The following CNTN6 variants were observed in gnomAD, a reference collection of about 807,000 sequenced individuals.
CNTN6 encodes the protein contactin-6.
A neutral mutation model predicts 122.8 loss-of-function variants in CNTN6; 137 were observed. The observed-to-expected ratio is 1.12, with a 90% confidence interval of 0.97 to 1.29. The LOEUF (loss-of-function observed/expected upper bound fraction) is 1.29. CNTN6 is among the 50% of genes most tolerant of loss of function. The pLI, the probability that CNTN6 is intolerant of heterozygous loss-of-function variation, is 0.00. For synonymous variants in CNTN6, 570 were observed against 426.0 expected (o/e 1.34, Z -4.16); for missense variants, 1,634 against 1,223.4 (o/e 1.34, Z -5.01).
chr3:1,230,447 A>G (rs1043278729), intron 4 of CNTN6, among the ~76,000 whole-genome samples: 3 of 152,290 alleles, frequency 2.0e-5, no homozygotes, highest in East Asian at 1.9e-4. Context: ...ATTATTACCT[A>G]TCTCAACTTA....
rs1312899797 is a variant in CNTN6 at position 1,147,999 on chromosome 3, G to C, written c.-10G>C. The C allele has an allele frequency of 1.2e-6, 2 of 1,604,242 alleles. No individual in the cohort carries two copies. The highest frequency in any genetic ancestry group is 1.7e-6 in the Non-Finnish European group (2 of 1,172,738). On this transcript the variant is annotated 5_prime_UTR_variant, in exon 2 of 23. Coordinates refer to ENST00000446702, the MANE Select transcript of CNTN6 (RefSeq NM_001289080.2). ...TGTATGGGAGAAATTTTTGACCTTA[G>C]AAAGTGGAAATGAGGTTGCTATGGA...
intron 4 of CNTN6, among the ~76,000 whole-genome samples, chr3:1,268,606 CAA>C (rs71690299): frequency 0.33 from 32,071 of 98,182 alleles, 4,190 homozygotes; most frequent in East Asian, 0.53. Context: ...GACTCCGTCT[CAA>C]AAAAAAAAAA....
intron 1 of CNTN6, among the ~76,000 whole-genome samples, chr3:1,094,859 C>T (rs952609519): frequency 2.0e-5 from 3 of 151,796 alleles, no homozygotes; most frequent in Non-Finnish European, 2.9e-5. Context: ...AAAATATTTG[C>T]TTATTTATTC....
intron 4 of CNTN6, among the ~76,000 whole-genome samples, chr3:1,273,419 A>T (rs555809768): frequency 6.6e-6 from 1 of 152,242 alleles, no homozygotes; most frequent in Non-Finnish European, 1.5e-5. Flanking sequence ...AAGGTCTTAC[A>T]GAGCAAAGAA....
intron 1 of CNTN6, among the ~76,000 whole-genome samples, chr3:1,098,082 A>C (rs958265058): frequency 7.3e-6 from 1 of 136,736 alleles, no homozygotes; most frequent in Non-Finnish European, 1.5e-5. Flanking sequence ...ATCAAGAAAA[A>C]GGGTATATTT....
chr3:1,345,414 C>T (rs1405091716), intron 11 of CNTN6, among the ~76,000 whole-genome samples: 1 of 152,038 alleles, frequency 6.6e-6, no homozygotes, highest in Non-Finnish European at 1.5e-5. Context: ...CCATGCCCAG[C>T]CATACAATTA....
chr3:1,354,927 A>G (rs1706308908), intron 12 of CNTN6, among the ~76,000 whole-genome samples: 1 of 151,558 alleles, frequency 6.6e-6, no homozygotes, highest in Admixed American at 6.6e-5. Context: ...AAGGGGGTAC[A>G]AGCCTGAACC....
At chr3:1,310,734 G>T (rs566817125) in intron 7 of CNTN6, among the ~76,000 whole-genome samples, 80 of 152,316 alleles carry the variant, frequency 5.3e-4, no homozygotes, top group African/African-American at 1.9e-3. Flanking sequence ...AGGCGCAGTG[G>T]CTCATGCCTG....
intron 2 of CNTN6, among the ~76,000 whole-genome samples, chr3:1,157,826 T>G (rs534650015): frequency 1.3e-5 from 2 of 152,226 alleles, no homozygotes; most frequent in African/African-American, 4.8e-5. Context: ...TGGCAGAATC[T>G]GGTTCTTTTT....
chr3:1,255,160 A>T (rs2094733006), intron 4 of CNTN6, among the ~76,000 whole-genome samples: 1 of 152,140 alleles, frequency 6.6e-6, no homozygotes, highest in South Asian at 2.1e-4. Flanking sequence ...ATATGCTCAG[A>T]ACCAATATAT....
chr3:1,166,278 A>C (rs767718373), intron 2 of CNTN6, among the ~76,000 whole-genome samples: 1 of 152,162 alleles, frequency 6.6e-6, no homozygotes, highest in Admixed American at 6.5e-5. Context: ...TAGATCCCAC[A>C]TCTAGGATAC....
chr3:1,292,745 C>T (rs116527776), intron 5 of CNTN6, among the ~76,000 whole-genome samples: 2,938 of 152,188 alleles, frequency 0.019, 48 homozygotes, highest in Non-Finnish European at 0.026. Flanking sequence ...ATTCTTTCTT[C>T]CATTTACACA....
intron 12 of CNTN6, among the ~76,000 whole-genome samples, chr3:1,370,788 C>T (rs1208770534): frequency 6.6e-6 from 1 of 151,992 alleles, no homozygotes; most frequent in Non-Finnish European, 1.5e-5. Context: ...GCGGAGGTTG[C>T]AATGAGCTAA....
rs537074676 is a variant in CNTN6 at position 1,401,240 on chromosome 3, A to C, written c.2705-193A>C. 6.8e-5 allele frequency: 35 copies of C among 516,998 alleles called. No homozygotes were observed. The East Asian group carries it at 1.1e-3, about 17-fold the overall frequency. 32.0% of individuals were successfully genotyped at this position (516,998 alleles called of 1,614,324 possible). A position where few individuals can be genotyped will look rare whatever the true frequency, so the allele number is the denominator to read the frequency against. On this transcript the variant is annotated intron_variant, in intron 20 of 22. Transcript: ENST00000446702. Reference sequence around the variant, plus strand: ...TAATTCATAAGTCTGTCACAAAGGCATTCCCAAATGACCAGATTTGAATAA... The same window carrying C: ...TAATTCATAAGTCTGTCACAAAGGCCTTCCCAAATGACCAGATTTGAATAA...
intron 1 of CNTN6, chr3:1,128,267 A>T (rs2092232700): frequency 6.6e-6 from 1 of 152,008 alleles, no homozygotes; most frequent in South Asian, 2.1e-4. Context: ...CTTGTTGCAG[A>T]ATGCCTACTC....
intron 7 of CNTN6, among the ~76,000 whole-genome samples, chr3:1,302,470 A>G (rs1697594012): frequency 6.6e-6 from 1 of 152,136 alleles, no homozygotes; most frequent in Non-Finnish European, 1.5e-5. Context: ...AGATGTATAT[A>G]TTTTAATAGA....
rs1559598415 is a variant in CNTN6, at chr3:1,245,333, T to TAGATAG, written c.358+17341_358+17342insGATAGA. Among the ~76,000 whole-genome samples, 624 of 87,384 alleles carry TAGATAG rather than the reference T, an allele frequency of 7.1e-3. 72 individuals carry two copies. The highest frequency in any genetic ancestry group is 0.026 in the African/African-American group (603 of 22,872). The allele number at this position is 87,384 out of a possible 152,430, so 57.3% of individuals were successfully genotyped here. On this transcript the variant is annotated intron_variant, in intron 4 of 22. Coordinates refer to ENST00000446702, the MANE Select transcript of CNTN6 (RefSeq NM_001289080.2). ...ATATATATATATATATATATATATA[T>TAGATAG]ATAGCATGGAATACTACTCAGCCAT...
At chr3:1,153,596 T>G (rs2092896710) in intron 2 of CNTN6, among the ~76,000 whole-genome samples, 1 of 152,172 alleles carries the variant, frequency 6.6e-6, no homozygotes, top group Non-Finnish European at 1.5e-5. Flanking sequence ...TGAAAGTGAA[T>G]CTGGGAGAAA....
intron 2 of CNTN6, among the ~76,000 whole-genome samples, chr3:1,161,527 A>T (rs780154351): frequency 2.0e-5 from 3 of 151,696 alleles, no homozygotes; most frequent in Non-Finnish European, 2.9e-5. Context: ...GATAATAAAC[A>T]TGTGTATATA....
Sources: gnomAD v4.1 joint callset for allele counts (sites outside exome capture counted in the v4.1 genomes callset) on GRCh38, gnomAD v4.1.1 for gene constraint, MANE v1.5 for transcripts, NCBI Gene and HGNC (gene_info 2026-07-23, HGNC 2026-07-21) for gene names.